The following UNC13C variants were observed in gnomAD, a reference collection of about 807,000 sequenced individuals.
UNC13C encodes the protein protein unc-13 homolog C.
Under a neutral mutation model 245.4 loss-of-function variants are expected in UNC13C, and 174 were observed. The observed-to-expected ratio is 0.71, with a 90% CI of 0.63 to 0.80. The LOEUF (loss-of-function observed/expected upper bound fraction) is 0.80. Ranked by LOEUF, UNC13C falls within the 30% of genes least tolerant of loss-of-function variation. The pLI is 0.00. For synonymous variants in UNC13C, 992 were observed against 895.1 expected, an observed-to-expected ratio of 1.11 and a Z score of -1.93; for missense variants, 2,829 against 2,602.9, an observed-to-expected ratio of 1.09 and a Z score of -1.89.
At chr15:54,572,672 C>A (rs1212420204) in intron 30 of UNC13C, among the ~76,000 whole-genome samples, 1 of 151,996 alleles carries the variant, frequency 6.6e-6, no homozygotes, top group African/African-American at 2.4e-5. Flanking sequence ...GTGATCTGCC[C>A]ACGTCAGCCT....
the UNC13C span, among the ~76,000 whole-genome samples, chr15:53,933,101 C>T: frequency 6.6e-6 from 1 of 152,124 alleles, no homozygotes; most frequent in Non-Finnish European, 1.5e-5. Context: ...ACAGGCCTTG[C>T]CTTTCTCTTC....
chr15:54,132,990 T>C (rs2031521384), intron 2 of UNC13C, among the ~76,000 whole-genome samples: 1 of 152,198 alleles, frequency 6.6e-6, no homozygotes, highest in Non-Finnish European at 1.5e-5. Flanking sequence ...TACAACATTT[T>C]TACTTTTATC....
At chr15:54,411,645 A>C (rs1286132909) in intron 18 of UNC13C, among the ~76,000 whole-genome samples, 1 of 152,046 alleles carries the variant, frequency 6.6e-6, no homozygotes, top group African/African-American at 2.4e-5. Flanking sequence ...AAAATTAGCC[A>C]CTCTTGTAAG....
chr15:54,295,866 T>C (rs1016674839), intron 11 of UNC13C, among the ~76,000 whole-genome samples: 1 of 152,208 alleles, frequency 6.6e-6, no homozygotes. Flanking sequence ...TTTGCCCTCA[T>C]TGCTGATGTT....
Position 54,533,716 on chromosome 15 carries a change from CTGTT to C in UNC13C, c.5696+656_5696+659del, listed in dbSNP as rs552288681. Among the ~76,000 whole-genome samples the C allele has an allele frequency of 3.1e-3, 471 of 152,226 alleles. 4 individuals are homozygous for C. Among genetic ancestry groups the C allele is most frequent in the African/African-American group, 0.011 (439 of 41,554 alleles). ...TAACCTGAAAGTTTGGTTGGTTGCT[CTGTT>C]TGTTTTTAAGGTTTTTGTTCTGTTC... On this transcript the variant is annotated intron_variant, in intron 26 of 32. Transcript: ENST00000260323.
chr15:54,177,252 T>C (rs1459922887), intron 4 of UNC13C, among the ~76,000 whole-genome samples: 1 of 152,100 alleles, frequency 6.6e-6, no homozygotes, highest in East Asian at 1.9e-4. Context: ...AACTAAACAA[T>C]AGTGATGGTA....
chr15:54,307,574 A>C (rs12915691), intron 13 of UNC13C, among the ~76,000 whole-genome samples: 21,756 of 151,962 alleles, frequency 0.14, 1,689 homozygotes, highest in Admixed American at 0.21. Context: ...GAGAACAAAG[A>C]GATTAAATAG....
At chr15:54,501,624 G>T (rs553314703) in intron 22 of UNC13C, among the ~76,000 whole-genome samples, 1 of 152,026 alleles carries the variant, frequency 6.6e-6, no homozygotes, top group African/African-American at 2.4e-5. Flanking sequence ...CATATAATAT[G>T]CAAGACCACA....
chr15:53,962,368 A>T, the UNC13C span, among the ~76,000 whole-genome samples: 1 of 152,158 alleles, frequency 6.6e-6, no homozygotes, highest in African/African-American at 2.4e-5. Context: ...TATTATTTTC[A>T]AATACTGGTG....
chr15:54,585,762 G>GA (rs1315928005), intron 30 of UNC13C, among the ~76,000 whole-genome samples: 2 of 152,200 alleles, frequency 1.3e-5, no homozygotes, highest in Admixed American at 6.5e-5. Flanking sequence ...TGCAAAGACA[G>GA]AAAAAAATCT....
At chr15:54,220,219 G>A (rs1409367630) in intron 4 of UNC13C, among the ~76,000 whole-genome samples, 1 of 151,070 alleles carries the variant, frequency 6.6e-6, no homozygotes, top group Admixed American at 6.6e-5. Context: ...ATGATAGACT[G>A]GATTAAGAAA....
intron 11 of UNC13C, among the ~76,000 whole-genome samples, chr15:54,294,699 A>G (rs1221674580): frequency 6.6e-6 from 1 of 152,158 alleles, no homozygotes; most frequent in Non-Finnish European, 1.5e-5. Flanking sequence ...AGTAAAATAT[A>G]TGGGTCACCT....
At chr15:54,421,293 C>G (rs2040637519) in intron 19 of UNC13C, among the ~76,000 whole-genome samples, 1 of 151,656 alleles carries the variant, frequency 6.6e-6, no homozygotes, top group Non-Finnish European at 1.5e-5. Flanking sequence ...CTTGGAGAAT[C>G]TAATAAAATA....
chr15:54,004,304 C>G (rs919874903), intron 1 of UNC13C, among the ~76,000 whole-genome samples: 4 of 152,144 alleles, frequency 2.6e-5, no homozygotes, highest in Non-Finnish European at 5.9e-5. Context: ...TAACATAACT[C>G]CAGTTGCATC....
intron 30 of UNC13C, among the ~76,000 whole-genome samples, chr15:54,586,256 T>A (rs1898485770): frequency 6.6e-6 from 1 of 152,222 alleles, no homozygotes; most frequent in Non-Finnish European, 1.5e-5. Context: ...GAGAACATAT[T>A]AGTCATATAT....
chr15:54,220,440 C>T (rs889818150), intron 4 of UNC13C, among the ~76,000 whole-genome samples: 5 of 97,656 alleles, frequency 5.1e-5, no homozygotes, highest in Non-Finnish European at 7.6e-5. Flanking sequence ...ACTCTGGGGA[C>T]TGTTGTGGGG....
chr15:54,386,623 G>A (rs935215330), intron 17 of UNC13C, among the ~76,000 whole-genome samples: 1 of 152,200 alleles, frequency 6.6e-6, no homozygotes. Flanking sequence ...TGCTGCAAAG[G>A]TTGTGATTTG....
intron 10 of UNC13C, among the ~76,000 whole-genome samples, chr15:54,277,563 T>C (rs760291006): frequency 2.6e-5 from 4 of 152,198 alleles, no homozygotes; most frequent in Non-Finnish European, 5.9e-5. Flanking sequence ...TATAGAACTC[T>C]ACTAATTGGC....
chr15:54,014,780 A>G lies in UNC13C; in HGVS notation c.1877A>G (p.Asp626Gly). 6.2e-7 allele frequency: 1 copy of G among 1,613,852 alleles called. No homozygotes were observed. Among genetic ancestry groups the G allele is most frequent in the South Asian group, 1.1e-5 (1 of 91,074 alleles). The change falls in exon 2 of 33, where the codon GAT (aspartate) becomes GGT (glycine). Residue 626 changes from aspartate to glycine, a missense_variant. Asp to Gly is a moderately conservative substitution (Grantham distance 94, BLOSUM62 -1). Coordinates refer to ENST00000260323, the MANE Select transcript of UNC13C (RefSeq NM_001080534.3). Reference sequence around the variant, plus strand: ...GAAACTGAAAACACAGAAACTGTGGATAGTGGAATGAGTAATGGCATGGTG... The same window carrying G: ...GAAACTGAAAACACAGAAACTGTGGGTAGTGGAATGAGTAATGGCATGGTG... The part of the protein sequence containing the change: ...QTETENTETV[D>G]SGMSNGMVCA...
Sources: gnomAD v4.1 joint callset for allele counts (sites outside exome capture counted in the v4.1 genomes callset) on GRCh38, gnomAD v4.1.1 for gene constraint, MANE v1.5 for transcripts, NCBI Gene and HGNC (gene_info 2026-07-23, HGNC 2026-07-21) for gene names.